Variants in HAS2 observed in about 807,000 individuals in gnomAD.
HAS2 encodes HA synthase 2.
HAS2 carries 16 observed loss-of-function variants against 51.6 expected under a neutral mutation model. The ratio of observed to expected loss-of-function variants is 0.31; its 90% CI spans 0.21 to 0.47. The LOEUF (loss-of-function observed/expected upper bound fraction) is 0.47, where lower values mean the gene tolerates loss of function less well. Among genes scored for constraint, HAS2 ranks in the 20% least tolerant of loss-of-function variants. The pLI, the probability that HAS2 is intolerant of heterozygous loss-of-function variation, is 1.00. For missense variants in HAS2, 361 were observed against 662.6 expected, an observed-to-expected ratio of 0.54 and a Z score of 5.00; for synonymous variants, 228 against 235.5, an observed-to-expected ratio of 0.97 and a Z score of 0.29.
At chr8:121,639,151 G>A (rs965393814) in intron 1 of HAS2, 1 of 152,244 alleles carries the variant, frequency 6.6e-6, no homozygotes, top group Non-Finnish European at 1.5e-5. Context: ...CTTCAGCAAA[G>A]CCCATCTACC....
At chr8:121,618,038 C>CACAA (rs1357672570) in intron 2 of HAS2, among the ~76,000 whole-genome samples, 1 of 151,064 alleles carries the variant, frequency 6.6e-6, no homozygotes, top group Non-Finnish European at 1.5e-5. Context: ...CTAGACCAAC[C>CACAA]ACAACTTCAA....
chr8:121,615,631 A>AT lies in HAS2; in HGVS notation c.730-594dup, dbSNP rs112171817. 7.8e-3 allele frequency among the ~76,000 whole-genome samples: 1,155 copies of AT among 147,616 alleles called. 3 individuals carry two copies. Among genetic ancestry groups the AT allele is most frequent in the Non-Finnish European group, 0.011 (753 of 66,610 alleles). ...ACCCACTGCGCCTGGCCAAATTGAG[A>AT]TTTTTTTTTTTTAGGCTTTAGATCT... On this transcript the variant is annotated intron_variant, in intron 3 of 3. Coordinates refer to ENST00000303924, the MANE Select transcript of HAS2 (RefSeq NM_005328.3).
intron 1 of HAS2, among the ~76,000 whole-genome samples, chr8:121,631,983 G>T (rs1167462529): frequency 6.6e-6 from 1 of 152,210 alleles, no homozygotes; most frequent in African/African-American, 2.4e-5. Flanking sequence ...GCATCTGCTG[G>T]CCACAGCTGA....
In HAS2 at chr8:121,628,995, C is replaced by T; in HGVS notation, c.346G>A (p.Val116Ile). ...VKRLTYPGIK[V>I]VMVIDGNSED... ...GAGTTCCCATCTATGACCATGACAA[C>T]TTTAATCCCAGGGTAGGTTAGCCTT... Residue 116 changes from valine to isoleucine, a missense_variant, in exon 2 of 4, where the codon GTT becomes ATT. Physicochemically the swap from Val to Ile is conservative, Grantham distance 29. This residue lies in a region of HAS2 where 145 missense variants were observed against 217.6 expected (regional missense o/e 0.67). Transcript: ENST00000303924. 1 of 1,614,120 alleles carries T rather than the reference C, an allele frequency of 6.2e-7. No homozygotes were observed. The highest frequency in any genetic ancestry group is 1.1e-5 in the South Asian group (1 of 91,076).
In HAS2 at chr8:121,628,894, C is replaced by G. The variant is rs765253697; in HGVS notation, c.447G>C (p.Lys149Asn). 3 of 1,614,060 alleles carry G rather than the reference C, an allele frequency of 1.9e-6. No individual in the cohort carries two copies. The East Asian group carries it at 6.7e-5, about 36-fold the overall frequency. The change falls in exon 2 of 4, where the codon AAG becomes AAC. Residue 149 changes from lysine (K) to asparagine (N), a missense_variant. Physicochemically the swap from Lys to Asn is moderately conservative, Grantham distance 94. This residue lies in a region of HAS2 where 145 missense variants were observed against 217.6 expected (regional missense o/e 0.67). Transcript: ENST00000303924. ...CGGGACCCTTTTCGTGGAAGTTGTT[C>G]TTCCAGATATAAGTGGCTGATTTGT... ...GRDKSATYIWKNNFHEKGPGE... is the reference protein window; with the variant it reads ...GRDKSATYIWNNNFHEKGPGE...
chr8:121,614,396 T>C lies in HAS2; in HGVS notation c.1372A>G (p.Ile458Val). ...GATGTGCCCCACCCAGCTTTGTTTA[T>C]TGTTGCAATTGCAAACATCTTGGCG... The part of the protein sequence containing the change: ...LPAKMFAIAT[I>V]NKAGWGTSGR... Residue 458 changes from isoleucine to valine, a missense_variant, in exon 4 of 4, where the codon ATA becomes GTA. By Grantham distance (29) the Ile-to-Val change is conservative. Coordinates refer to ENST00000303924, the MANE Select transcript of HAS2 (RefSeq NM_005328.3). The surrounding 1 kb of genome is among the most constrained non-coding windows in gnomAD (Gnocchi z 7.2). 1 of 1,614,208 alleles carries C rather than the reference T, an allele frequency of 6.2e-7. No individual in the cohort carries two copies. Among genetic ancestry groups the C allele is most frequent in the Non-Finnish European group, 8.5e-7 (1 of 1,180,034 alleles).
At chr8:121,615,211 G>A (rs145088940) in intron 3 of HAS2, among the ~76,000 whole-genome samples, 173 bp from the exon 4 acceptor site, 2,545 of 152,108 alleles carry the variant, frequency 0.017, 34 homozygotes, top group South Asian at 0.041. Context: ...CTCTGATTCT[G>A]TTACTATTTG....
At position 121,626,390 on chromosome 8, in the gene HAS2, C is replaced by T. The variant is rs144265087; in HGVS notation, c.627+2324G>A. Among the ~76,000 whole-genome samples, 640 of 152,266 alleles carry T rather than the reference C, an allele frequency of 4.2e-3. 7 individuals are homozygous for T. The highest frequency in any genetic ancestry group is 0.015 in the African/African-American group (621 of 41,550). ...AGAGTGCTGAAGAGTGCCAAGGATT[C>T]GGCTGCAACTGGAAACCAATCCTTT... On this transcript the variant is annotated intron_variant, in intron 2 of 3. Coordinates refer to ENST00000303924, the MANE Select transcript of HAS2 (RefSeq NM_005328.3).
chr8:121,634,129 G>A (rs1006829073), intron 1 of HAS2, among the ~76,000 whole-genome samples: 1 of 151,830 alleles, frequency 6.6e-6, no homozygotes, highest in African/African-American at 2.4e-5. Flanking sequence ...AGGCTGGTCT[G>A]GAACTCCTGA....
At position 121,628,870 on chromosome 8, in the gene HAS2, G is replaced by A. The variant is rs760324997; in HGVS notation, c.471C>T (p.Pro157=). The A allele has an allele frequency of 4.9e-5, 79 of 1,613,894 alleles. No individual in the cohort carries two copies. Among genetic ancestry groups the A allele is most frequent in the African/African-American group, 1.1e-4 (8 of 74,878 alleles). Residue 157 remains proline, a synonymous_variant, in exon 2 of 4, where the codon CCC becomes CCT. Transcript: ENST00000303924. ...IWKNNFHEKG[P]GETDESHKES... Reference sequence around the variant, plus strand: ...CTTTATGTGACTCATCTGTCTCACCGGGACCCTTTTCGTGGAAGTTGTTCT... The same window carrying A: ...CTTTATGTGACTCATCTGTCTCACCAGGACCCTTTTCGTGGAAGTTGTTCT...
chr8:121,629,189 G>T lies in HAS2; in HGVS notation c.152C>A (p.Ala51Asp), dbSNP rs780998853. Reference sequence around the variant, plus strand: ...GATGATGAGGTGTGATGCCAAAAAGGCACCATACAGTCCAAAAGAGAAATA... The same window carrying T: ...GATGATGAGGTGTGATGCCAAAAAGTCACCATACAGTCCAAAAGAGAAATA... ...NYYFSFGLYG[A>D]FLASHLIIQS... The change falls in exon 2 of 4, where the codon GCC (alanine) becomes GAC (aspartate). Residue 51 changes from alanine to aspartate, a missense_variant. By Grantham distance (126) the Ala-to-Asp change is moderately radical (BLOSUM62 -2). This residue lies in a region of HAS2 where 145 missense variants were observed against 217.6 expected (regional missense o/e 0.67). Coordinates refer to ENST00000303924, the MANE Select transcript of HAS2 (RefSeq NM_005328.3). 1 of 1,613,856 alleles carries T rather than the reference G, an allele frequency of 6.2e-7. No homozygotes were observed. The highest frequency in any genetic ancestry group is 1.3e-5 in the African/African-American group (1 of 74,880).
rs1812678529 is a variant in HAS2 at position 121,614,670 on chromosome 8, T to G, written c.1098A>C (p.Ala366=). The G allele has an allele frequency of 1.2e-6, 2 of 1,614,216 alleles. No individual in the cohort carries two copies. Among genetic ancestry groups the G allele is most frequent in the Non-Finnish European group, 1.7e-6 (2 of 1,180,026 alleles). ...KSYFREWLYN[A]MWFHKHHLWM... is the part of the protein sequence containing the mutation. ...ACAAGTGATGTTTGTGAAACCACAT[T>G]GCATTGTACAGCCATTCTCGGAAGT... Residue 366 remains alanine (A), a synonymous_variant, in exon 4 of 4, where the codon GCA becomes GCC. Transcript: ENST00000303924. This position sits in a 1 kb window ranked among gnomAD's most constrained non-coding sequence, Gnocchi z 7.2.
In HAS2 at chr8:121,641,182, G is replaced by GTTTTTTTTTTTTTTTTTTTTTTTT; in HGVS notation, c.-331_-330insAAAAAAAAAAAAAAAAAAAAAAAA. 2.0e-5 allele frequency: 1 copy of GTTTTTTTTTTTTTTTTTTTTTTTT among 48,848 alleles called. No individual in the cohort carries two copies. The highest frequency in any genetic ancestry group is 3.5e-5 in the Non-Finnish European group (1 of 28,528). 3.0% of individuals were successfully genotyped at this position (48,848 alleles called of 1,614,324 possible). On this transcript the variant is annotated 5_prime_UTR_variant, in exon 1 of 4. Transcript: ENST00000303924. Reference sequence around the variant, plus strand: ...TCTTTTTTTTTTTTTTTTTTTTTTGGGCTTCAGTCTTTCTGCCCCCGATAA... The same window carrying GTTTTTTTTTTTTTTTTTTTTTTTT: ...TCTTTTTTTTTTTTTTTTTTTTTTGGTTTTTTTTTTTTTTTTTTTTTTTTGCTTCAGTCTTTCTGCCCCCGATAA...
At chr8:121,617,561 T>C (rs1812720810) in intron 2 of HAS2, among the ~76,000 whole-genome samples, 1 of 152,122 alleles carries the variant, frequency 6.6e-6, no homozygotes, top group African/African-American at 2.4e-5. Flanking sequence ...ACTGTAATGG[T>C]TGGTCCCCCT....
At chr8:121,640,093 G>A (rs1332288785) in intron 1 of HAS2, 3 of 152,278 alleles carry the variant, frequency 2.0e-5, no homozygotes, top group Non-Finnish European at 4.4e-5. Flanking sequence ...GGCCCGGCGA[G>A]GAGAGGAGGG....
rs78052408 is a variant in HAS2 at position 121,632,735 on chromosome 8, C to CTCATCA, written c.1-3401_1-3396dup. 2.7e-5 allele frequency among the ~76,000 whole-genome samples: 4 copies of CTCATCA among 148,132 alleles called. 1 individual carries two copies. In the South Asian group the frequency reaches 8.5e-4, roughly 32 times the overall value. On this transcript the variant is annotated intron_variant, in intron 1 of 3. Transcript: ENST00000303924. ...TGTTGAATGCATGAGTGCAAATTTA[C>CTCATCA]TCATCATCATCATCATCATCATCAT...
Position 121,614,886 on chromosome 8 carries a change from C to T in HAS2, c.882G>A (p.Glu294=). The T allele has an allele frequency of 6.2e-7, 1 of 1,614,184 alleles. No homozygotes were observed. Among genetic ancestry groups the T allele is most frequent in the Middle Eastern group, 1.6e-4 (1 of 6,062 alleles). Residue 294 remains glutamate (E), a synonymous_variant, in exon 4 of 4, where the codon GAG becomes GAA. Coordinates refer to ENST00000303924, the MANE Select transcript of HAS2 (RefSeq NM_005328.3). The surrounding 1 kb of genome is among the most constrained non-coding windows in gnomAD (Gnocchi z 7.2). ...LGMYRNSLLH[E]FVEDWYNQEF... ...CTTGATTGTACCAATCTTCCACAAA[C>T]TCATGCAACAAGGAGTTTCTGTACA...
chr8:121,628,734 G>C lies in HAS2; in HGVS notation c.607C>G (p.Arg203Gly). 1 of 1,613,844 alleles carries C rather than the reference G, an allele frequency of 6.2e-7. No individual in the cohort carries two copies. The highest frequency in any genetic ancestry group is 8.5e-7 in the Non-Finnish European group (1 of 1,179,824). ...CCTACCTGTACATAATCCACACTTC[G>C]TCCCAGTGCTCTGAAGGCTGTGTAC... Reference protein sequence around the residue: ...VMYTAFRALGRSVDYVQVCDS... With the variant: ...VMYTAFRALGGSVDYVQVCDS... Residue 203 changes from arginine to glycine, a missense_variant, in exon 2 of 4, where the codon CGA (arginine) becomes GGA (glycine). Physicochemically the swap from Arg to Gly is moderately radical, Grantham distance 125. This residue lies in a region of HAS2 where 49 missense variants were observed against 108.3 expected (regional missense o/e 0.45). Transcript: ENST00000303924.
chr8:121,621,832 A>C (rs1296027673), intron 2 of HAS2, among the ~76,000 whole-genome samples: 2 of 152,112 alleles, frequency 1.3e-5, no homozygotes, highest in Admixed American at 6.5e-5. Context: ...TTTACTTTTA[A>C]TGTCTTTTTT....
Sources: allele counts gnomAD v4.1 joint callset (sites outside exome capture counted in the v4.1 genomes callset), GRCh38; gene constraint gnomAD v4.1.1; regional missense constraint gnomAD v4.1.1; non-coding constraint Gnocchi (gnomAD v3.1); transcripts MANE v1.5; gene names NCBI Gene and HGNC (gene_info 2026-07-23, HGNC 2026-07-21).